RBM46: variants seen among roughly 807,000 people sequenced by gnomAD.
RBM46 encodes RNA binding motif protein 46, also known as probable RNA-binding protein 46.
A neutral mutation model predicts 43.3 loss-of-function variants in RBM46; 12 were observed. The observed-to-expected ratio is 0.28, with a 90% CI of 0.18 to 0.45. The LOEUF is 0.45. Ranked by LOEUF, RBM46 falls within the 20% of genes least tolerant of loss-of-function variation. The probability of loss-of-function intolerance (pLI) is 1.00; values close to 1 mark genes in which losing one functional copy is unlikely to be tolerated. For missense variants in RBM46, 412 were observed against 639.1 expected, an observed-to-expected ratio of 0.64 and a Z score of 3.83; for synonymous variants, 205 against 207.6, an observed-to-expected ratio of 0.99 and a Z score of 0.11.
intron 1 of RBM46, among the ~76,000 whole-genome samples, chr4:154,791,789 T>A (rs1477780037): frequency 6.6e-6 from 1 of 152,188 alleles, no homozygotes; most frequent in Non-Finnish European, 1.5e-5. Flanking sequence ...ACATATCAGG[T>A]GGGTGGTTGA....
intron 4 of RBM46, among the ~76,000 whole-genome samples, chr4:154,826,215 T>G (rs1263893350): frequency 6.6e-6 from 1 of 151,344 alleles, no homozygotes; most frequent in Non-Finnish European, 1.5e-5. Context: ...CCCGGCACTT[T>G]GGGAGGCTGA....
At chr4:154,814,642 A>G (rs1025925319) in intron 4 of RBM46, among the ~76,000 whole-genome samples, 34 of 152,034 alleles carry the variant, frequency 2.2e-4, no homozygotes, top group African/African-American at 8.2e-4. Flanking sequence ...GAAGGCCATT[A>G]TGAAGACAAG....
At chr4:154,784,075 A>G (rs1230409852) in intron 1 of RBM46, among the ~76,000 whole-genome samples, 2 of 152,236 alleles carry the variant, frequency 1.3e-5, no homozygotes, top group Non-Finnish European at 2.9e-5. Flanking sequence ...GTGCTAACAA[A>G]TCAGGAGTTT....
intron 1 of RBM46, chr4:154,790,465 C>T (rs1178585403): frequency 6.6e-6 from 1 of 152,112 alleles, no homozygotes; most frequent in African/African-American, 2.4e-5. Flanking sequence ...TGCAGTACCT[C>T]CAGGTATGGT....
chr4:154,788,458 T>G (rs1733901464), intron 1 of RBM46, among the ~76,000 whole-genome samples: 1 of 152,176 alleles, frequency 6.6e-6, no homozygotes, highest in South Asian at 2.1e-4. Flanking sequence ...TTTCCCCATT[T>G]CTTGTTTTTG....
chr4:154,807,867 T>C (rs1462853870), intron 4 of RBM46, among the ~76,000 whole-genome samples: 2 of 151,962 alleles, frequency 1.3e-5, no homozygotes, highest in African/African-American at 4.8e-5. Context: ...GGGTCCTTAT[T>C]TGTCTCATAT....
intron 4 of RBM46, chr4:154,827,052 G>A: frequency 8.4e-7 from 1 of 1,183,564 alleles, no homozygotes. Context: ...TTTTTGGAAG[G>A]TACAGGATTT....
intron 4 of RBM46, among the ~76,000 whole-genome samples, chr4:154,808,859 G>C (rs1288997684): frequency 2.6e-5 from 4 of 152,006 alleles, no homozygotes; most frequent in African/African-American, 7.2e-5. Flanking sequence ...ACTTAGGTGT[G>C]TGTATCAAGT....
intron 1 of RBM46, among the ~76,000 whole-genome samples, chr4:154,782,528 G>A (rs1733541695): frequency 6.6e-6 from 1 of 152,130 alleles, no homozygotes; most frequent in Admixed American, 6.5e-5. Context: ...CTGTCTCCCA[G>A]GCGGGAGAGC....
intron 4 of RBM46, among the ~76,000 whole-genome samples, chr4:154,815,889 C>G (rs899446369): frequency 1.3e-5 from 2 of 151,960 alleles, no homozygotes; most frequent in Non-Finnish European, 1.5e-5. Flanking sequence ...TTAGAAACTT[C>G]ATATCATACC....
At chr4:154,801,483 G>A (rs1042879802) in intron 4 of RBM46, among the ~76,000 whole-genome samples, 3 of 152,156 alleles carry the variant, frequency 2.0e-5, no homozygotes, top group African/African-American at 7.2e-5. Context: ...AGATAAAATT[G>A]TTAGGTAGAC....
At chr4:154,817,715 C>G (rs776526229) in intron 4 of RBM46, among the ~76,000 whole-genome samples, 1 of 152,014 alleles carries the variant, frequency 6.6e-6, no homozygotes, top group Non-Finnish European at 1.5e-5. Context: ...CTTCTTGAAT[C>G]TTCAGTATTA....
At chr4:154,804,834 T>A (rs1201336235) in intron 4 of RBM46, among the ~76,000 whole-genome samples, 1 of 151,590 alleles carries the variant, frequency 6.6e-6, no homozygotes, top group Non-Finnish European at 1.5e-5. Context: ...TTTTTTTTTT[T>A]TTAAACAGGT....
chr4:154,826,930 A>G, intron 4 of RBM46: 5 of 1,315,018 alleles, frequency 3.8e-6, no homozygotes. Context: ...TGTACATTAG[A>G]TGACCTAATT....
chr4:154,814,534 A>G (rs1578940528), intron 4 of RBM46, among the ~76,000 whole-genome samples: 1 of 151,996 alleles, frequency 6.6e-6, no homozygotes, highest in Admixed American at 6.6e-5. Context: ...ATTCTTATAC[A>G]TTGGTAATTT....
intron 1 of RBM46, chr4:154,781,959 A>G (rs1733501937): frequency 6.6e-6 from 1 of 152,288 alleles, no homozygotes; most frequent in African/African-American, 2.4e-5. Context: ...TGGTTTCAGA[A>G]TTGAATTCAG....
At chr4:154,814,999 T>C (rs1249726226) in intron 4 of RBM46, among the ~76,000 whole-genome samples, 1 of 152,024 alleles carries the variant, frequency 6.6e-6, no homozygotes, top group Non-Finnish European at 1.5e-5. Context: ...AAGACTCTTT[T>C]GTATTTTCCC....
chr4:154,810,929 A>G (rs1474753936), intron 4 of RBM46, among the ~76,000 whole-genome samples: 1 of 152,132 alleles, frequency 6.6e-6, no homozygotes, highest in African/African-American at 2.4e-5. Context: ...TAGGCTTCTC[A>G]TGTTTAGTTT....
intron 4 of RBM46, among the ~76,000 whole-genome samples, chr4:154,807,744 C>T (rs986005148): frequency 6.6e-6 from 1 of 151,818 alleles, no homozygotes; most frequent in Admixed American, 6.6e-5. Flanking sequence ...TAATTAAAAA[C>T]CTTAGTATCC....
Sources: allele counts gnomAD v4.1 joint callset (sites outside exome capture counted in the v4.1 genomes callset), GRCh38; gene constraint gnomAD v4.1.1; transcripts MANE v1.5; gene names NCBI Gene and HGNC (gene_info 2026-07-23, HGNC 2026-07-21).